Variants in RNF20 observed in about 807,000 individuals in gnomAD.
RNF20 encodes E3 ubiquitin-protein ligase BRE1A.
In RNF20, 84 loss-of-function variants were observed where a neutral mutation model predicts 126.2. That is an observed-to-expected ratio of 0.67 (90% CI 0.56 to 0.80). The LOEUF is 0.80. Among genes scored for constraint, RNF20 ranks in the 30% least tolerant of loss-of-function variants. The pLI, the probability that RNF20 is intolerant of heterozygous loss-of-function variation, is 0.00. For synonymous variants in RNF20, 400 were observed against 414.3 expected (o/e 0.97, Z 0.42); for missense variants, 869 against 1,188.2 (o/e 0.73, Z 3.95).
rs971117874 is a variant in RNF20, at chr9:101,553,584, AT to A, written c.1902-392del. 2.4e-3 allele frequency among the ~76,000 whole-genome samples: 350 copies of A among 145,930 alleles called. 1 individual carries two copies. Among genetic ancestry groups the A allele is most frequent in the African/African-American group, 7.0e-3 (280 of 40,116 alleles). On this transcript the variant is annotated intron_variant, in intron 13 of 19. Coordinates refer to ENST00000389120, the MANE Select transcript of RNF20 (RefSeq NM_019592.7). ...TCTCCCTCTTGAACTCTTTAAGGCA[AT>A]TTTTTTTTTTTCTGGTGTGGTATCA... is the stretch of plus-strand genomic sequence containing the variant.
chr9:101,547,338 A>G, intron 8 of RNF20, 61 bp from the exon 9 acceptor site: 1 of 1,608,776 alleles, frequency 6.2e-7, no homozygotes, highest in Non-Finnish European at 8.5e-7. Context: ...TGAAGAAAGG[A>G]AGCTTAGAAA....
chr9:101,562,652 T>C lies in RNF20; in HGVS notation c.*230T>C, dbSNP rs41282151. ...AGAATGAATTAGAAACAAATAACTC[T>C]TACTGTCTTCCCTCCCAGCTTTGTT... On this transcript the variant is annotated 3_prime_UTR_variant, in exon 20 of 20. Coordinates refer to ENST00000389120, the MANE Select transcript of RNF20 (RefSeq NM_019592.7). The C allele has an allele frequency of 0.012, 4,917 of 416,648 alleles. 37 individuals carry two copies. The highest frequency in any genetic ancestry group is 0.016 in the Non-Finnish European group (3,701 of 234,898). 25.8% of individuals were successfully genotyped at this position (416,648 alleles called of 1,614,324 possible).
intron 2 of RNF20, among the ~76,000 whole-genome samples, chr9:101,539,259 A>G (rs1827225632): frequency 6.6e-6 from 1 of 152,186 alleles, no homozygotes; most frequent in Non-Finnish European, 1.5e-5. Flanking sequence ...CTAAGAATTC[A>G]TTTTGTAAAG....
intron 2 of RNF20, among the ~76,000 whole-genome samples, chr9:101,537,036 A>G (rs1434424505): frequency 6.6e-6 from 1 of 152,162 alleles, no homozygotes; most frequent in Non-Finnish European, 1.5e-5. Flanking sequence ...CCTCCTGTGC[A>G]TTTTGAGATT....
chr9:101,552,866 T>C, intron 13 of RNF20, 113 bp downstream of exon 13: 2 of 1,108,432 alleles, frequency 1.8e-6, no homozygotes, highest in South Asian at 1.7e-5. Context: ...TGTTTTAGAT[T>C]GTACAATTAA....
chr9:101,559,878 T>A (rs1182266414), intron 16 of RNF20, among the ~76,000 whole-genome samples: 1 of 152,190 alleles, frequency 6.6e-6, no homozygotes, highest in East Asian at 1.9e-4. Context: ...CATTACCAAT[T>A]TGGATGCCTT....
Position 101,550,591 on chromosome 9 carries a change from T to A in RNF20, c.1093-15T>A. ...GCTAGATTCTGCTTCTGACTTTGCT[T>A]TGGGCCCTCCTAAGGTGGAATTGCG... is the stretch of plus-strand genomic sequence containing the variant. On this transcript the variant is annotated splice_polypyrimidine_tract_variant and intron_variant, in intron 9 of 19. Coordinates refer to ENST00000389120, the MANE Select transcript of RNF20 (RefSeq NM_019592.7). 2 of 1,607,874 alleles carry A rather than the reference T, an allele frequency of 1.2e-6. No homozygotes were observed. The highest frequency in any genetic ancestry group is 1.7e-6 in the Non-Finnish European group (2 of 1,176,072).
At chr9:101,539,600 T>C (rs1827229566) in intron 2 of RNF20, among the ~76,000 whole-genome samples, 1 of 152,188 alleles carries the variant, frequency 6.6e-6, no homozygotes, top group Non-Finnish European at 1.5e-5. Flanking sequence ...CGTGGTGTTT[T>C]TCAGGGAATG....
intron 2 of RNF20, among the ~76,000 whole-genome samples, chr9:101,537,489 T>C (rs1353444874): frequency 1.3e-5 from 2 of 152,114 alleles, no homozygotes; most frequent in African/African-American, 4.8e-5. Flanking sequence ...ATAAGCTGGA[T>C]ACTAGAGAGA....
In RNF20 at chr9:101,552,586, G is replaced by T; in HGVS notation, c.1734G>T (p.Arg578Ser). ...AACGAGAAAGGAGGGAGAAGGAGAGGGAACGAGAAAGAGAACGGGAGAAGG... is the reference window on the plus strand; with the variant it reads ...AACGAGAAAGGAGGGAGAAGGAGAGTGAACGAGAAAGAGAACGGGAGAAGG... ...ERERERREKE[R>S]EREREREKEK... Residue 578 changes from arginine to serine, a missense_variant, in exon 13 of 20, where the codon AGG becomes AGT. By Grantham distance (110) the Arg-to-Ser change is moderately radical. This residue lies in a region of RNF20 where 231 missense variants were observed against 263.6 expected (regional missense o/e 0.88). Coordinates refer to ENST00000389120, the MANE Select transcript of RNF20 (RefSeq NM_019592.7). 1 of 1,594,454 alleles carries T rather than the reference G, an allele frequency of 6.3e-7. No homozygotes were observed.
Position 101,562,383 on chromosome 9 carries a change from T to C in RNF20, c.2889T>C (p.Ala963=), listed in dbSNP as rs373441522. 19 of 1,613,892 alleles carry C rather than the reference T, an allele frequency of 1.2e-5. No individual in the cohort carries two copies. The African/African-American group carries it at 1.5e-4, about 12-fold the overall frequency. Residue 963 remains alanine (A), a synonymous_variant, in exon 20 of 20, where the codon GCT becomes GCC. Coordinates refer to ENST00000389120, the MANE Select transcript of RNF20 (RefSeq NM_019592.7). ...GCAAATGTCCCAAGTGTAATGCTGC[T>C]TTTGGTGCCAATGATTTTCATCGCA... The part of the protein sequence containing the change: ...RQRKCPKCNA[A]FGANDFHRIY...
chr9:101,552,247 G>T lies in RNF20; in HGVS notation c.1515G>T (p.Gln505His). Residue 505 changes from glutamine to histidine, a missense_variant, in exon 12 of 20, where the codon CAG (glutamine) becomes CAT (histidine). By Grantham distance (24) the Gln-to-His change is conservative. Around this residue, in one of 8 missense-constraint regions of RNF20, gnomAD observed 231 missense variants for 263.6 expected, o/e 0.88. Coordinates refer to ENST00000389120, the MANE Select transcript of RNF20 (RefSeq NM_019592.7). Reference sequence around the variant, plus strand: ...ATAAGCGGAAATTGAGAGAAGCCCAGTCTGACCTGAACAAGGTAACCAGAG... The same window carrying T: ...ATAAGCGGAAATTGAGAGAAGCCCATTCTGACCTGAACAAGGTAACCAGAG... ...LRYKRKLREA[Q>H]SDLNKTRLRS... is the part of the protein sequence containing the mutation. The T allele has an allele frequency of 6.2e-7, 1 of 1,614,194 alleles. No homozygotes were observed. The highest frequency in any genetic ancestry group is 8.5e-7 in the Non-Finnish European group (1 of 1,180,028).
intron 1 of RNF20, 63 bp from the exon 2 acceptor site, chr9:101,535,322 TTTTTACTCTATTG>T (rs1588214798): frequency 9.8e-6 from 12 of 1,219,756 alleles, no homozygotes; most frequent in South Asian, 6.5e-5. Context: ...AAGTTGCTAG[TTTTTACTCTATTG>T]TTTTACTCTA....
rs1460219930 is a variant in RNF20, at chr9:101,552,602, CGGGAGA to C, written c.1751_1756del (p.Arg584_Lys586delinsGln). Reference sequence around the variant, plus strand: ...GAAGGAGAGGGAACGAGAAAGAGAACGGGAGAAGGAGAAGGAGAGAGAACGAGAGAA... The same window carrying C: ...GAAGGAGAGGGAACGAGAAAGAGAACAGGAGAAGGAGAGAGAACGAGAGAA... On this transcript the variant is annotated inframe_deletion, in exon 13 of 20. Transcript: ENST00000389120. 1.9e-6 allele frequency: 3 copies of C among 1,561,952 alleles called. No individual in the cohort carries two copies. Among genetic ancestry groups the C allele is most frequent in the Non-Finnish European group, 1.8e-6 (2 of 1,133,428 alleles).
chr9:101,546,317 C>T (rs1032813150), intron 6 of RNF20, among the ~76,000 whole-genome samples: 8 of 152,132 alleles, frequency 5.3e-5, no homozygotes, highest in Admixed American at 3.9e-4. Flanking sequence ...ATAATCTATA[C>T]TGTATTGTAT....
intron 15 of RNF20, among the ~76,000 whole-genome samples, chr9:101,556,260 CAA>C (rs1010979050): frequency 5.9e-5 from 9 of 151,934 alleles, no homozygotes; most frequent in East Asian, 1.9e-4. Context: ...ACAAGAGTAA[CAA>C]GAGAAATTGA....
At chr9:101,538,963 A>G (rs1286203861) in intron 2 of RNF20, among the ~76,000 whole-genome samples, 1 of 152,180 alleles carries the variant, frequency 6.6e-6, no homozygotes, top group African/African-American at 2.4e-5. Context: ...ATGTGAAATT[A>G]CTAATGGAGT....
intron 2 of RNF20, among the ~76,000 whole-genome samples, chr9:101,537,542 A>G (rs1827202465): frequency 6.6e-6 from 1 of 152,174 alleles, no homozygotes; most frequent in Non-Finnish European, 1.5e-5. Flanking sequence ...TCATTTTGTA[A>G]GTTGTGTTTA....
chr9:101,557,658 T>C, intron 16 of RNF20, 62 bp downstream of exon 16: 1 of 1,258,130 alleles, frequency 7.9e-7, no homozygotes, highest in South Asian at 1.3e-5. Context: ...CATGATGATA[T>C]AAGTAAAAGA....
Sources: allele counts gnomAD v4.1 joint callset (sites outside exome capture counted in the v4.1 genomes callset), GRCh38; gene constraint gnomAD v4.1.1; regional missense constraint gnomAD v4.1.1; transcripts MANE v1.5; gene names NCBI Gene and HGNC (gene_info 2026-07-23, HGNC 2026-07-21).